The following NRXN3 variants were observed in gnomAD, a reference collection of about 807,000 sequenced individuals.
The protein encoded by NRXN3 is neurexin 3.
A neutral mutation model predicts 137.6 loss-of-function variants in NRXN3; 32 were observed. That is an observed-to-expected ratio of 0.23 (90% CI 0.18 to 0.31). The LOEUF (loss-of-function observed/expected upper bound fraction) is 0.31. Among genes scored for constraint, NRXN3 ranks in the 10% least tolerant of loss-of-function variants. The pLI, the probability that NRXN3 is intolerant of heterozygous loss-of-function variation, is 1.00. For synonymous variants in NRXN3, 798 were observed against 784.5 expected (o/e 1.02, Z -0.29); for missense variants, 1,574 against 2,062.5 (o/e 0.76, Z 4.59).
rs1216656229 is a variant in NRXN3 at position 78,446,018 on chromosome 14, G to A, written c.757+148158G>A. ...TAGCTATTCATTGGCTCACAGCTTC[G>A]GCATAGACCCCATGCCCATTGCTGG... On this transcript the variant is annotated intron_variant, in intron 4 of 20. Transcript: ENST00000335750. 3.3e-5 allele frequency among the ~76,000 whole-genome samples: 5 copies of A among 152,230 alleles called. No homozygotes were observed. In the South Asian group the frequency reaches 6.2e-4, roughly 19 times the overall value.
chr14:79,013,456 C>T (rs183197645), intron 15 of NRXN3, among the ~76,000 whole-genome samples: 532 of 152,274 alleles, frequency 3.5e-3, no homozygotes, highest in Non-Finnish European at 6.1e-3. Flanking sequence ...CCAGTAACAG[C>T]CCACTTTACT....
chr14:79,721,409 A>G (rs2098844038), intron 19 of NRXN3, among the ~76,000 whole-genome samples: 1 of 152,112 alleles, frequency 6.6e-6, no homozygotes. Flanking sequence ...TCATGCAAAA[A>G]AATCCCAAGT....
intron 4 of NRXN3, among the ~76,000 whole-genome samples, chr14:78,507,813 C>T (rs889734331): frequency 4.6e-5 from 7 of 152,242 alleles, no homozygotes; most frequent in African/African-American, 1.7e-4. Context: ...CTTCTTGAGA[C>T]ACCTTGAGTT....
intron 14 of NRXN3, among the ~76,000 whole-genome samples, chr14:78,971,969 G>GA: frequency 6.6e-6 from 1 of 152,102 alleles, no homozygotes; most frequent in East Asian, 1.9e-4. Context: ...TAGCAAAAAA[G>GA]AAAAAAATCT....
intron 17 of NRXN3, among the ~76,000 whole-genome samples, chr14:79,677,957 C>T (rs1171462791): frequency 6.6e-6 from 1 of 152,144 alleles, no homozygotes; most frequent in Non-Finnish European, 1.5e-5. Flanking sequence ...CATTATTGAA[C>T]TATTCAGAAA....
At chr14:79,146,779 G>T (rs1411744544) in intron 15 of NRXN3, among the ~76,000 whole-genome samples, 1 of 152,164 alleles carries the variant, frequency 6.6e-6, no homozygotes, top group Admixed American at 6.5e-5. Flanking sequence ...ATCTAAGAGG[G>T]AGCTCTCGGA....
intron 15 of NRXN3, among the ~76,000 whole-genome samples, chr14:79,054,511 G>A (rs571515314): frequency 6.6e-6 from 1 of 152,184 alleles, no homozygotes; most frequent in South Asian, 2.1e-4. Flanking sequence ...ACAAAAATTT[G>A]TGTGAAATCT....
intron 15 of NRXN3, among the ~76,000 whole-genome samples, chr14:79,149,181 G>A (rs2059572159): frequency 6.6e-6 from 1 of 152,088 alleles, no homozygotes; most frequent in Non-Finnish European, 1.5e-5. Context: ...ACTCTGTAAG[G>A]GGGAATGTGG....
chr14:79,348,648 A>AT (rs2093031977), intron 15 of NRXN3, among the ~76,000 whole-genome samples: 1 of 152,182 alleles, frequency 6.6e-6, no homozygotes, highest in African/African-American at 2.4e-5. Flanking sequence ...AAGTGCTGGG[A>AT]TTACAGGCGT....
intron 4 of NRXN3, among the ~76,000 whole-genome samples, chr14:78,593,978 C>G (rs1601013790): frequency 1.3e-5 from 2 of 152,122 alleles, no homozygotes; most frequent in East Asian, 3.9e-4. Context: ...CTGCTGGTGC[C>G]TATGGCCCTG....
At chr14:79,795,728 T>C (rs1350787771) in intron 19 of NRXN3, among the ~76,000 whole-genome samples, 1 of 152,232 alleles carries the variant, frequency 6.6e-6, no homozygotes, top group Non-Finnish European at 1.5e-5. Context: ...ACTTTTTTTT[T>C]CACAGTGTAA....
chr14:78,187,269 T>G lies in NRXN3; in HGVS notation c.-704+16595T>G, dbSNP rs555195473. Among the ~76,000 whole-genome samples, 39 of 148,288 alleles carry G rather than the reference T, an allele frequency of 2.6e-4. 1 individual carries two copies. The highest frequency in any genetic ancestry group is 6.9e-3 in the Middle Eastern group (2 of 288). ...ATGTTTTGGTGGTGTGTGTGTGTTT[T>G]TTTTTTTTTTTCCTCAAAGCTTGCA... On this transcript the variant is annotated intron_variant, in intron 1 of 20. Coordinates refer to ENST00000335750, the MANE Select transcript of NRXN3 (RefSeq NM_001330195.2).
At chr14:79,786,801 A>G (rs1249954838) in intron 19 of NRXN3, among the ~76,000 whole-genome samples, 1 of 152,222 alleles carries the variant, frequency 6.6e-6, no homozygotes, top group East Asian at 1.9e-4. Context: ...GTTTATCTTA[A>G]TGGACTCAGA....
intron 4 of NRXN3, among the ~76,000 whole-genome samples, chr14:78,555,225 A>G (rs2096727479): frequency 6.6e-6 from 1 of 152,192 alleles, no homozygotes; most frequent in Admixed American, 6.5e-5. Context: ...ATTTAACACT[A>G]TAACATTTAA....
chr14:79,258,478 T>C (rs2077097746), intron 15 of NRXN3, among the ~76,000 whole-genome samples: 1 of 152,184 alleles, frequency 6.6e-6, no homozygotes, highest in Non-Finnish European at 1.5e-5. Flanking sequence ...GTGTTGAGAT[T>C]ACAGGCATGA....
chr14:78,571,455 G>C (rs2096888636), intron 4 of NRXN3, among the ~76,000 whole-genome samples: 1 of 152,202 alleles, frequency 6.6e-6, no homozygotes, highest in Non-Finnish European at 1.5e-5. Flanking sequence ...TATGTATTTT[G>C]TTGGGAAGGT....
At chr14:79,208,274 C>G (rs2067094741) in intron 15 of NRXN3, among the ~76,000 whole-genome samples, 1 of 152,144 alleles carries the variant, frequency 6.6e-6, no homozygotes, top group South Asian at 2.1e-4. Context: ...TAATCCAGGA[C>G]AGTTCCTGCA....
At chr14:79,747,697 C>T (rs1448865863) in intron 19 of NRXN3, among the ~76,000 whole-genome samples, 1 of 152,016 alleles carries the variant, frequency 6.6e-6, no homozygotes, top group African/African-American at 2.4e-5. Flanking sequence ...GTTTTAAGAA[C>T]CAGTTTTCTA....
At chr14:79,740,724 A>G (rs1156268273) in intron 19 of NRXN3, among the ~76,000 whole-genome samples, 1 of 22,310 alleles carries the variant, frequency 4.5e-5, no homozygotes, top group Non-Finnish European at 9.1e-5. Flanking sequence ...ATATATATAT[A>G]TATATATATA....
Sources: gnomAD v4.1 joint callset for allele counts (sites outside exome capture counted in the v4.1 genomes callset) on GRCh38, gnomAD v4.1.1 for gene constraint, MANE v1.5 for transcripts, NCBI Gene and HGNC (gene_info 2026-07-23, HGNC 2026-07-21) for gene names.